Variants in TRERF1 observed in about 807,000 individuals in gnomAD.
TRERF1 encodes transcriptional regulating factor 1.
In TRERF1, 27 loss-of-function variants were observed where a neutral mutation model predicts 122.9. The observed-to-expected ratio is 0.22, with a 90% CI of 0.16 to 0.30. TRERF1 has a LOEUF of 0.30. Ranked by LOEUF, TRERF1 falls within the 10% of genes least tolerant of loss-of-function variation. The pLI is 1.00. For missense variants in TRERF1, 1,248 were observed against 1,560.3 expected, an observed-to-expected ratio of 0.80 and a Z score of 3.37; for synonymous variants, 636 against 641.7, an observed-to-expected ratio of 0.99 and a Z score of 0.13.
intron 3 of TRERF1, among the ~76,000 whole-genome samples, chr6:42,317,466 CA>C (rs1762682281): frequency 6.6e-6 from 1 of 151,796 alleles, no homozygotes; most frequent in Admixed American, 6.6e-5. Context: ...GCAATCCTCC[CA>C]CCTCAACCTC....
At chr6:42,319,103 T>C (rs1246434312) in intron 3 of TRERF1, among the ~76,000 whole-genome samples, 1 of 152,146 alleles carries the variant, frequency 6.6e-6, no homozygotes, top group African/African-American at 2.4e-5. Flanking sequence ...TGGCAGTGTT[T>C]CTCCACCTTT....
chr6:42,298,542 C>T (rs577747927), intron 4 of TRERF1, among the ~76,000 whole-genome samples: 1 of 150,444 alleles, frequency 6.6e-6, no homozygotes, highest in African/African-American at 2.4e-5. Flanking sequence ...TGGTGGCTCA[C>T]GCCTGTAATG....
chr6:42,406,845 T>A (rs998235048), intron 2 of TRERF1, among the ~76,000 whole-genome samples: 4 of 151,578 alleles, frequency 2.6e-5, no homozygotes, highest in African/African-American at 9.7e-5. Flanking sequence ...GGGACAATAA[T>A]CCACATTCCC....
intron 3 of TRERF1, among the ~76,000 whole-genome samples, chr6:42,324,531 T>C (rs1439728211): frequency 6.6e-6 from 1 of 151,954 alleles, no homozygotes; most frequent in African/African-American, 2.4e-5. Flanking sequence ...ACCAAAACAA[T>C]GTGGTACTGG....
At position 42,280,352 on chromosome 6, in the gene TRERF1, C is replaced by T. The variant is rs1187479952; in HGVS notation, c.-258-10504G>A. The stretch of plus-strand genomic sequence containing the variant: ...CCTCCGAGGATCCGGTTCTGGCCTC[C>T]TTCTAGAAGCCCTGGGGGATGGTGA... On this transcript the variant is annotated intron_variant, in intron 4 of 17. Coordinates refer to ENST00000372922, the Ensembl canonical transcript of TRERF1. 2.0e-5 allele frequency among the ~76,000 whole-genome samples: 3 copies of T among 152,180 alleles called. No individual in the cohort carries two copies. In the East Asian group the frequency reaches 5.8e-4, roughly 29 times the overall value.
chr6:42,372,888 C>T (rs1388626173), intron 2 of TRERF1, among the ~76,000 whole-genome samples: 1 of 152,140 alleles, frequency 6.6e-6, no homozygotes, highest in Non-Finnish European at 1.5e-5. Flanking sequence ...CTGAGTCAGG[C>T]AAAGGGTAAG....
chr6:42,313,982 G>T (rs377437002), intron 3 of TRERF1, among the ~76,000 whole-genome samples: 1 of 152,066 alleles, frequency 6.6e-6, no homozygotes, highest in African/African-American at 2.4e-5. Flanking sequence ...ACCGGAAGCC[G>T]GGAGAGATGA....
intron 2 of TRERF1, among the ~76,000 whole-genome samples, chr6:42,440,544 G>C (rs534819843): frequency 3.3e-5 from 5 of 152,058 alleles, no homozygotes; most frequent in African/African-American, 2.4e-5. Flanking sequence ...CTACTAAAGC[G>C]ATCTGGAGCC....
chr6:42,257,159 A>T (rs1776899442), intron 10 of TRERF1, 57 bp from the exon 11 acceptor site: 6 of 1,593,640 alleles, frequency 3.8e-6, no homozygotes, highest in South Asian at 2.2e-5. Flanking sequence ...GGCTCAGGCC[A>T]AGGGCAACTG....
intron 4 of TRERF1, among the ~76,000 whole-genome samples, chr6:42,278,897 C>A (rs1371502023): frequency 6.6e-6 from 1 of 152,132 alleles, no homozygotes; most frequent in African/African-American, 2.4e-5. Flanking sequence ...GGTTTACAGT[C>A]ACATTAACTG....
intron 3 of TRERF1, among the ~76,000 whole-genome samples, chr6:42,346,368 C>G (rs757651290): frequency 2.6e-5 from 4 of 152,202 alleles, no homozygotes; most frequent in Non-Finnish European, 5.9e-5. Flanking sequence ...GGGGCCGACT[C>G]CCCCTGAAGG....
chr6:42,429,130 A>G (rs1438240862), intron 2 of TRERF1, among the ~76,000 whole-genome samples: 1 of 152,226 alleles, frequency 6.6e-6, no homozygotes, highest in Non-Finnish European at 1.5e-5. Context: ...AGTCACACCC[A>G]AGGAGGACCA....
intron 4 of TRERF1, among the ~76,000 whole-genome samples, chr6:42,292,026 T>C (rs1275795103): frequency 6.6e-6 from 1 of 152,218 alleles, no homozygotes; most frequent in African/African-American, 2.4e-5. Flanking sequence ...CTAACTTCGC[T>C]TTTGAGCCTC....
chr6:42,352,645 T>C (rs1769685050), intron 3 of TRERF1, among the ~76,000 whole-genome samples: 4 of 152,106 alleles, frequency 2.6e-5, no homozygotes, highest in Admixed American at 2.6e-4. Context: ...TCTGGACAAA[T>C]GATTGTACAA....
intron 2 of TRERF1, among the ~76,000 whole-genome samples, chr6:42,411,432 C>A (rs1257026553): frequency 6.6e-6 from 1 of 152,146 alleles, no homozygotes; most frequent in African/African-American, 2.4e-5. Flanking sequence ...GTCTTGGTCC[C>A]AATTCGGGAC....
intron 2 of TRERF1, among the ~76,000 whole-genome samples, chr6:42,421,913 ATCCCAGCACT>A (rs1234141910): frequency 6.6e-6 from 1 of 151,998 alleles, no homozygotes; most frequent in East Asian, 1.9e-4. Context: ...CACGCCTGTA[ATCCCAGCACT>A]TTGGGAGGCT....
chr6:42,305,995 CTTTTTTTTTT>C lies in TRERF1; in HGVS notation c.-370-5256_-370-5247del, dbSNP rs55700516. Among the ~76,000 whole-genome samples, 377 of 69,542 alleles carry C rather than the reference CTTTTTTTTTT, an allele frequency of 5.4e-3. 2 individuals are homozygous for C. The highest frequency in any genetic ancestry group is 0.032 in the Middle Eastern group (2 of 62). 45.6% of individuals were successfully genotyped at this position (69,542 alleles called of 152,430 possible). ...CCCATTCTCTCTCCAAATATCTCTC[CTTTTTTTTTT>C]TTTTTTTTTTTTTTGAGACAGAGTC... On this transcript the variant is annotated intron_variant, in intron 3 of 17. Transcript: ENST00000372922.
At chr6:42,336,104 C>T (rs146863466) in intron 3 of TRERF1, among the ~76,000 whole-genome samples, 7 of 152,280 alleles carry the variant, frequency 4.6e-5, no homozygotes, top group Admixed American at 2.6e-4. Flanking sequence ...CATGGGACAG[C>T]GCAGGCCTAA....
intron 3 of TRERF1, among the ~76,000 whole-genome samples, chr6:42,350,827 A>C (rs137920009): frequency 6.6e-6 from 1 of 152,336 alleles, no homozygotes; most frequent in East Asian, 1.9e-4. Context: ...AAGCAAAAAC[A>C]TGAAAATAAG....
Sources: allele counts gnomAD v4.1 joint callset (sites outside exome capture counted in the v4.1 genomes callset), GRCh38; gene constraint gnomAD v4.1.1; transcripts MANE v1.5; gene names NCBI Gene and HGNC (gene_info 2026-07-23, HGNC 2026-07-21).